The following POC5 variants were observed in gnomAD, a reference collection of about 807,000 sequenced individuals.
The protein encoded by POC5 is centrosomal protein POC5.
A neutral mutation model predicts 62.9 loss-of-function variants in POC5; 48 were observed. The ratio of observed to expected loss-of-function variants is 0.76; its 90% CI spans 0.61 to 0.97. The LOEUF (loss-of-function observed/expected upper bound fraction) is 0.97, where lower values mean the gene tolerates loss of function less well. Among genes scored for constraint, POC5 ranks in the 50% least tolerant of loss-of-function variants. POC5 has a pLI of 0.00. For synonymous variants in POC5, 236 were observed against 228.2 expected (o/e 1.03, Z -0.31); for missense variants, 696 against 679.5 (o/e 1.02, Z -0.27).
chr5:75,712,871 CAG>C lies in POC5; in HGVS notation c.65_66del (p.Ser22CysfsTer10). On this transcript the variant is annotated frameshift_variant, in exon 2 of 12. Transcript: ENST00000428202. LOFTEE classifies it high-confidence loss of function. ...VVQNDSSRGS[S>X]VSSNLQEEYE... ...TTTCCTACCTGAAGATTCGAAGAGA[CAG>C]AACTGCCTCGACTGGAGTCATTTTG... The C allele has an allele frequency of 6.2e-7, 1 of 1,610,834 alleles. No individual in the cohort carries two copies. The highest frequency in any genetic ancestry group is 8.5e-7 in the Non-Finnish European group (1 of 1,178,388).
chr5:75,680,360 A>G (rs547475113), intron 10 of POC5, among the ~76,000 whole-genome samples: 1 of 152,252 alleles, frequency 6.6e-6, no homozygotes, highest in South Asian at 2.1e-4. Flanking sequence ...GTAGCAGGAA[A>G]AATGCTCATA....
intron 11 of POC5, chr5:75,677,490 C>T (rs918988576): frequency 2.5e-5 from 5 of 198,644 alleles, no homozygotes; most frequent in Middle Eastern, 3.6e-3. Flanking sequence ...CTCTTTTGAC[C>T]ACAAACACAC....
intron 11 of POC5, among the ~76,000 whole-genome samples, chr5:75,676,829 A>AAG (rs5868782): frequency 0.21 from 31,426 of 150,268 alleles, 5,014 homozygotes; most frequent in African/African-American, 0.43. Flanking sequence ...TCTGTCTCAA[A>AAG]AAAAAAAATA....
intron 10 of POC5, among the ~76,000 whole-genome samples, chr5:75,678,805 GCTTTTA>G (rs1296970195): frequency 6.6e-6 from 1 of 152,042 alleles, no homozygotes; most frequent in African/African-American, 2.4e-5. Flanking sequence ...AGTATTATCA[GCTTTTA>G]TAGCTTTTGC....
chr5:75,674,394 G>C lies in POC5; in HGVS notation c.*41C>G, dbSNP rs1197453942. 2 of 1,597,370 alleles carry C rather than the reference G, an allele frequency of 1.3e-6. No homozygotes were observed. Among genetic ancestry groups the C allele is most frequent in the Admixed American group, 3.4e-5 (2 of 58,660 alleles). On this transcript the variant is annotated 3_prime_UTR_variant, in exon 12 of 12. Coordinates refer to ENST00000428202, the MANE Select transcript of POC5 (RefSeq NM_001099271.2). ...CCAAAAGACTTCTAACCCTTGGTAA[G>C]ACCAGAGGGATTAAAAGACCCCACT...
intron 9 of POC5, among the ~76,000 whole-genome samples, chr5:75,688,794 G>A (rs16872770): frequency 0.076 from 11,586 of 152,196 alleles, 464 homozygotes; most frequent in South Asian, 0.11. Flanking sequence ...AGGAGTGACA[G>A]TGTACTTGAT....
At chr5:75,707,908 A>G (rs773767690) in intron 2 of POC5, 33 bp from the exon 3 acceptor site, 3 of 1,521,786 alleles carry the variant, frequency 2.0e-6, no homozygotes, top group Admixed American at 1.9e-5. Context: ...AATGTAGTGT[A>G]ACAGTTACAA....
chr5:75,674,677 G>T (rs1579991017), intron 11 of POC5, 99 bp from the exon 12 acceptor site: 1 of 1,418,774 alleles, frequency 7.0e-7, no homozygotes, highest in East Asian at 2.3e-5. Flanking sequence ...ATAAACATTT[G>T]TTAAGATCCA....
chr5:75,675,282 T>G (rs1775609205), intron 11 of POC5, among the ~76,000 whole-genome samples: 1 of 152,200 alleles, frequency 6.6e-6, no homozygotes. Context: ...TATGTATCAG[T>G]ACAAGGCTTT....
At chr5:75,690,800 C>T (rs1776300437) in intron 7 of POC5, among the ~76,000 whole-genome samples, 1 of 152,160 alleles carries the variant, frequency 6.6e-6, no homozygotes, top group Non-Finnish European at 1.5e-5. Context: ...GAGCTCTTAT[C>T]CATTACATCA....
At chr5:75,711,547 T>C (rs1422401104) in intron 2 of POC5, among the ~76,000 whole-genome samples, 1 of 152,264 alleles carries the variant, frequency 6.6e-6, no homozygotes, top group Admixed American at 6.5e-5. Flanking sequence ...ACATATTTAC[T>C]ACATATGTAA....
intron 9 of POC5, among the ~76,000 whole-genome samples, chr5:75,687,532 T>C (rs1039384717): frequency 2.6e-5 from 4 of 152,212 alleles, no homozygotes; most frequent in Admixed American, 2.6e-4. Context: ...GTCATCTTTC[T>C]CATCGATTGT....
At chr5:75,716,561 T>C (rs147748614) in intron 1 of POC5, among the ~76,000 whole-genome samples, 1 of 152,308 alleles carries the variant, frequency 6.6e-6, no homozygotes, top group East Asian at 1.9e-4. Flanking sequence ...TTTGAAACTC[T>C]AGAACAGTAG....
chr5:75,712,226 C>G (rs1777376514), intron 2 of POC5: 6 of 1,027,688 alleles, frequency 5.8e-6, no homozygotes, highest in South Asian at 3.2e-5. Context: ...AGTAATACAA[C>G]TGTAAAATTT....
chr5:75,694,316 T>G (rs1183942109), intron 6 of POC5, among the ~76,000 whole-genome samples: 1 of 152,200 alleles, frequency 6.6e-6, no homozygotes, highest in Admixed American at 6.5e-5. Context: ...AAAAAACTAG[T>G]GTACTTACAT....
intron 3 of POC5, among the ~76,000 whole-genome samples, chr5:75,707,009 G>A (rs1777148730): frequency 6.6e-6 from 1 of 152,184 alleles, no homozygotes; most frequent in African/African-American, 2.4e-5. Context: ...CTCTGAGTAG[G>A]CTATGTCATG....
intron 10 of POC5, among the ~76,000 whole-genome samples, chr5:75,684,809 A>AT (rs11289708): frequency 3.6e-4 from 53 of 148,828 alleles, no homozygotes; most frequent in Admixed American, 8.0e-4. Flanking sequence ...AATACCACAG[A>AT]TTTTTTTTTT....
chr5:75,676,076 T>C (rs1775637479), intron 11 of POC5, among the ~76,000 whole-genome samples: 1 of 152,194 alleles, frequency 6.6e-6, no homozygotes, highest in Non-Finnish European at 1.5e-5. Flanking sequence ...GCATGGGAGA[T>C]AAGTATCAGA....
intron 11 of POC5, among the ~76,000 whole-genome samples, chr5:75,676,833 AAAAATAAAT>A (rs1217734329): frequency 1.4e-5 from 2 of 140,876 alleles, no homozygotes; most frequent in East Asian, 2.1e-4. Flanking sequence ...TCTCAAAAAA[AAAAATAAAT>A]AAAAAATAAA....
Sources: gnomAD v4.1 joint callset for allele counts (sites outside exome capture counted in the v4.1 genomes callset) on GRCh38, gnomAD v4.1.1 for gene constraint, MANE v1.5 for transcripts, NCBI Gene and HGNC (gene_info 2026-07-23, HGNC 2026-07-21) for gene names.